Variants in CA1 observed in about 807,000 individuals in gnomAD.
CA1 encodes the protein carbonate dehydratase I.
CA1 carries 27 observed loss-of-function variants against 28.8 expected under a neutral mutation model. The observed-to-expected ratio is 0.94, with a 90% CI of 0.69 to 1.29. The LOEUF is 1.29. Ranked by LOEUF, CA1 falls within the 50% of genes most tolerant of loss-of-function variation. The pLI is 0.00. For missense variants in CA1, 335 were observed against 310.5 expected (o/e 1.08, Z -0.59); for synonymous variants, 121 against 108.8 (o/e 1.11, Z -0.70).
intron 1 of CA1, chr8:85,341,924 G>A (rs1808949525): frequency 3.3e-6 from 1 of 306,992 alleles, no homozygotes; most frequent in Admixed American, 4.6e-5. Context: ...GCCAAGTCCT[G>A]TTTCACTCAT....
chr8:85,358,179 A>G (rs1809668154), intron 1 of CA1, among the ~76,000 whole-genome samples: 1 of 152,164 alleles, frequency 6.6e-6, no homozygotes, highest in Non-Finnish European at 1.5e-5. Flanking sequence ...GGAAGGCAAG[A>G]GGAGACAGGA....
chr8:85,366,227 G>T (rs1416136054), intron 1 of CA1, among the ~76,000 whole-genome samples: 1 of 145,130 alleles, frequency 6.9e-6, no homozygotes, highest in Non-Finnish European at 1.5e-5. Flanking sequence ...TGCCCAGGCT[G>T]GTTTTGAACT....
chr8:85,363,857 CA>C (rs998626286), intron 1 of CA1, among the ~76,000 whole-genome samples: 3 of 152,208 alleles, frequency 2.0e-5, no homozygotes, highest in African/African-American at 7.2e-5. Context: ...GCATAAAAGG[CA>C]AACACCACCA....
intron 1 of CA1, among the ~76,000 whole-genome samples, chr8:85,361,531 G>T (rs1431173312): frequency 1.3e-5 from 2 of 151,956 alleles, no homozygotes; most frequent in Non-Finnish European, 2.9e-5. Flanking sequence ...ACACAAGTTA[G>T]CCGGGCATGG....
chr8:85,339,186 C>T (rs1808812867), intron 2 of CA1, among the ~76,000 whole-genome samples: 1 of 152,106 alleles, frequency 6.6e-6, no homozygotes, highest in Non-Finnish European at 1.5e-5. Context: ...GCAGATATTG[C>T]ATTTTTTACA....
intron 1 of CA1, among the ~76,000 whole-genome samples, chr8:85,361,000 A>C (rs1298235961): frequency 1.3e-5 from 2 of 152,188 alleles, no homozygotes; most frequent in Non-Finnish European, 2.9e-5. Flanking sequence ...TGCAAGAAGT[A>C]ACTGATCCCT....
chr8:85,344,242 A>AC (rs1809064672), intron 1 of CA1, among the ~76,000 whole-genome samples: 4 of 96,356 alleles, frequency 4.2e-5, no homozygotes, highest in Non-Finnish European at 7.1e-5. Flanking sequence ...TATAATATAT[A>AC]ATTATATATT....
intron 1 of CA1, chr8:85,343,304 CA>C (rs1382389327): frequency 6.6e-6 from 1 of 152,108 alleles, no homozygotes; most frequent in Non-Finnish European, 1.5e-5. Flanking sequence ...CTCAGAGTTA[CA>C]AAACTTGCAA....
chr8:85,374,800 A>C (rs1480080404), intron 1 of CA1, among the ~76,000 whole-genome samples: 1 of 152,182 alleles, frequency 6.6e-6, no homozygotes, highest in Non-Finnish European at 1.5e-5. Context: ...TTGTTTTGGC[A>C]TAGTGGATGC....
At chr8:85,371,329 CT>C (rs1373804838) in intron 1 of CA1, among the ~76,000 whole-genome samples, 1 of 152,092 alleles carries the variant, frequency 6.6e-6, no homozygotes, top group East Asian at 1.9e-4. Flanking sequence ...GTCTGTTAAT[CT>C]TAATTCTTTT....
chr8:85,368,890 T>C (rs1810113660), intron 1 of CA1, among the ~76,000 whole-genome samples: 1 of 152,058 alleles, frequency 6.6e-6, no homozygotes, highest in African/African-American at 2.4e-5. Context: ...CCAAATCAGA[T>C]TTTCTACTTG....
intron 5 of CA1, 37 bp from the exon 6 acceptor site, chr8:85,332,589 T>A: frequency 6.7e-7 from 1 of 1,491,526 alleles, no homozygotes; most frequent in Non-Finnish European, 9.4e-7. Flanking sequence ...AGATAAAGAT[T>A]ATTATCAATC....
intron 2 of CA1, among the ~76,000 whole-genome samples, chr8:85,339,318 T>C (rs1194870747): frequency 3.9e-5 from 6 of 152,226 alleles, no homozygotes; most frequent in African/African-American, 1.2e-4. Context: ...TTTAAACTTT[T>C]TAATTGTTCA....
chr8:85,338,669 TTTCTTTCTTTCTTTCC>T lies in CA1; in HGVS notation c.38-236_38-221del, dbSNP rs1397527471. ...CTTTCTTTCTTTCTTTCTTTCTTTC[TTTCTTTCTTTCTTTCC>T]TTCTTTCTCTCTCTCTCTTTCTTTC... On this transcript the variant is annotated intron_variant, in intron 2 of 7. Transcript: ENST00000523022. Among the ~76,000 whole-genome samples the T allele has an allele frequency of 2.0e-4, 26 of 132,494 alleles. No homozygotes were observed. The East Asian group carries it at 4.2e-3, about 21-fold the overall frequency. The allele number at this position is 132,494 out of a possible 152,430, so 86.9% of individuals were successfully genotyped here.
At chr8:85,331,018 G>T (rs987212559) in intron 6 of CA1, among the ~76,000 whole-genome samples, 1 of 152,096 alleles carries the variant, frequency 6.6e-6, no homozygotes, top group Admixed American at 6.6e-5. Flanking sequence ...GGGCACTTTA[G>T]TTAACACTGG....
intron 1 of CA1, among the ~76,000 whole-genome samples, chr8:85,366,605 C>A (rs1810017388): frequency 6.6e-6 from 1 of 152,126 alleles, no homozygotes; most frequent in African/African-American, 2.4e-5. Context: ...TCAAATATTC[C>A]ACTTTTAGGA....
chr8:85,339,853 G>A (rs1446035654), intron 2 of CA1, among the ~76,000 whole-genome samples: 1 of 152,194 alleles, frequency 6.6e-6, no homozygotes, highest in Non-Finnish European at 1.5e-5. Flanking sequence ...GAATCCTAAT[G>A]AGAGCAAGGC....
chr8:85,363,044 C>G (rs1809859379), intron 1 of CA1, among the ~76,000 whole-genome samples: 1 of 152,154 alleles, frequency 6.6e-6, no homozygotes, highest in African/African-American at 2.4e-5. Context: ...GCTGTTAAGT[C>G]TACATAGGTT....
rs1291204052 is a variant in CA1 at position 85,352,247 on chromosome 8, C to T, written c.-24-10588G>A. Among the ~76,000 whole-genome samples the T allele has an allele frequency of 7.9e-5, 12 of 152,168 alleles. 1 individual carries two copies. Among genetic ancestry groups the T allele is most frequent in the Non-Finnish European group, 4.4e-5 (3 of 68,036 alleles). ...CTTAGGGTGTAAAATTTGGGCTAGACAGCACTGAGTGTGGGAGGGGAGAGA... is the reference window on the plus strand; with the variant it reads ...CTTAGGGTGTAAAATTTGGGCTAGATAGCACTGAGTGTGGGAGGGGAGAGA... On this transcript the variant is annotated intron_variant, in intron 1 of 7. Transcript: ENST00000523022.
Sources: gnomAD v4.1 joint callset for allele counts (sites outside exome capture counted in the v4.1 genomes callset) on GRCh38, gnomAD v4.1.1 for gene constraint, MANE v1.5 for transcripts, NCBI Gene and HGNC (gene_info 2026-07-23, HGNC 2026-07-21) for gene names.